GYS2: variants seen among roughly 807,000 people sequenced by gnomAD.
The protein encoded by GYS2 is glycogen synthase 2.
Under a neutral mutation model 85.6 loss-of-function variants are expected in GYS2, and 80 were observed. The observed-to-expected ratio is 0.93, with a 90% confidence interval of 0.78 to 1.13. The LOEUF (loss-of-function observed/expected upper bound fraction) is 1.13. Ranked by LOEUF, GYS2 falls within the 50% of genes most tolerant of loss-of-function variation. The pLI is 0.00. For synonymous variants in GYS2, 328 were observed against 300.7 expected (o/e 1.09, Z -0.94); for missense variants, 881 against 854.9 (o/e 1.03, Z -0.38).
chr12:21,563,284 AT>A lies in GYS2; in HGVS notation c.884del (p.Asn295IlefsTer49). The A allele has an allele frequency of 6.2e-7, 1 of 1,613,128 alleles. No individual in the cohort carries two copies. Among genetic ancestry groups the A allele is most frequent in the Non-Finnish European group, 8.5e-7 (1 of 1,179,140 alleles). On this transcript the variant is annotated frameshift_variant, in exon 6 of 16. Coordinates refer to ENST00000261195, the MANE Select transcript of GYS2 (RefSeq NM_021957.4). LOFTEE classifies it high-confidence loss of function. Reference sequence around the variant, plus strand: ...TTCTGGCCTTGTACATGGCATGTAGATTTTGAAACTCATGCACTGCTGAAAA... The same window carrying A: ...TTCTGGCCTTGTACATGGCATGTAGATTTGAAACTCATGCACTGCTGAAAA... ...KKFSAVHEFQ[N>X]LHAMYKARIQ...
intron 12 of GYS2, 25 bp from the exon 13 acceptor site, chr12:21,542,616 T>C (rs780063939): frequency 4.3e-5 from 66 of 1,522,992 alleles, no homozygotes; most frequent in Non-Finnish European, 5.2e-5. Context: ...AGACCAAAGC[T>C]TGGCTTCAGA....
At position 21,581,562 on chromosome 12, in the gene GYS2, G is replaced by A. The variant is rs148231615; in HGVS notation, c.122-1039C>T. On this transcript the variant is annotated intron_variant, in intron 1 of 15. Transcript: ENST00000261195. ...AATAAAGCCCTTCCTTCTTTAACTC[G>A]GTGTCTGAGGGGTTTTGTATGCAGC... 1.1e-4 allele frequency among the ~76,000 whole-genome samples: 17 copies of A among 152,230 alleles called. No individual in the cohort carries two copies. In the East Asian group the frequency reaches 1.2e-3, roughly 10 times the overall value.
At chr12:21,577,689 A>G (rs1187144993) in intron 2 of GYS2, among the ~76,000 whole-genome samples, 1 of 152,262 alleles carries the variant, frequency 6.6e-6, no homozygotes, top group South Asian at 2.1e-4. Context: ...TAAACCTTGC[A>G]TGCACCTCCT....
At chr12:21,588,890 A>T (rs1222109124) in intron 1 of GYS2, among the ~76,000 whole-genome samples, 1 of 152,262 alleles carries the variant, frequency 6.6e-6, no homozygotes, top group African/African-American at 2.4e-5. Flanking sequence ...TAAAATGAAG[A>T]ACTTTTCTTT....
At chr12:21,588,527 A>T (rs1482379519) in intron 1 of GYS2, among the ~76,000 whole-genome samples, 1 of 152,180 alleles carries the variant, frequency 6.6e-6, no homozygotes, top group Admixed American at 6.5e-5. Flanking sequence ...TTTTCATATG[A>T]GTCTACACAA....
chr12:21,542,272 A>T (rs1023430815), intron 13 of GYS2, among the ~76,000 whole-genome samples: 1 of 152,112 alleles, frequency 6.6e-6, no homozygotes, highest in African/African-American at 2.4e-5. Flanking sequence ...CTGGTCTCGA[A>T]CCCCTGACCT....
intron 1 of GYS2, among the ~76,000 whole-genome samples, chr12:21,593,655 C>A (rs1944664233): frequency 6.6e-6 from 1 of 151,862 alleles, no homozygotes; most frequent in Admixed American, 6.6e-5. Flanking sequence ...ATTTCAAGAC[C>A]AGATGGCTTT....
At chr12:21,563,877 C>A (rs971710993) in intron 5 of GYS2, among the ~76,000 whole-genome samples, 2 of 152,154 alleles carry the variant, frequency 1.3e-5, no homozygotes, top group African/African-American at 2.4e-5. Context: ...CTACCTCCTG[C>A]CATCTTGTTT....
chr12:21,564,554 T>C (rs1427845837), intron 5 of GYS2, among the ~76,000 whole-genome samples: 1 of 152,174 alleles, frequency 6.6e-6, no homozygotes, highest in Non-Finnish European at 1.5e-5. Flanking sequence ...TTTTTATGAG[T>C]TTTTATTAAG....
intron 1 of GYS2, among the ~76,000 whole-genome samples, chr12:21,601,509 C>T (rs74066737): frequency 0.014 from 2,075 of 152,262 alleles, 47 homozygotes; most frequent in African/African-American, 0.047. Context: ...ACTTCTGCAT[C>T]TTGGCATATA....
At chr12:21,534,284 G>A (rs569501581), downstream of GYS2, among the ~76,000 whole-genome samples, 1 of 152,260 alleles carries the variant, frequency 6.6e-6, no homozygotes, top group Admixed American at 6.5e-5. Context: ...GCCAAGGTGG[G>A]CACATCACTT....
At chr12:21,542,048 T>C (rs1943982498) in intron 13 of GYS2, among the ~76,000 whole-genome samples, 1 of 113,882 alleles carries the variant, frequency 8.8e-6, no homozygotes, top group African/African-American at 2.6e-5. Context: ...TATTTATAAA[T>C]CTACTTTTTT....
intron 11 of GYS2, among the ~76,000 whole-genome samples, chr12:21,554,500 T>C (rs1250090736): frequency 6.6e-6 from 1 of 152,180 alleles, no homozygotes; most frequent in Non-Finnish European, 1.5e-5. Context: ...ACAGAGACAA[T>C]ACATATGAGA....
downstream of GYS2, among the ~76,000 whole-genome samples, chr12:21,533,134 G>A (rs1943880803): frequency 6.6e-6 from 1 of 152,184 alleles, no homozygotes; most frequent in Admixed American, 6.5e-5. Flanking sequence ...GATCTGCAGG[G>A]AGCGCTTTCA....
chr12:21,557,177 C>T (rs1944190275), intron 11 of GYS2, among the ~76,000 whole-genome samples: 2 of 152,132 alleles, frequency 1.3e-5, no homozygotes. Context: ...AAAATGGGTT[C>T]ATTTGAAAAG....
At chr12:21,598,926 C>T (rs2136936049) in intron 1 of GYS2, among the ~76,000 whole-genome samples, 1 of 152,224 alleles carries the variant, frequency 6.6e-6, no homozygotes, top group Non-Finnish European at 1.5e-5. Flanking sequence ...AAAAGATGAG[C>T]TACCATGGTA....
At chr12:21,541,268 C>CAAAAAAAAAAAAAAAA (rs3832848) in intron 13 of GYS2, among the ~76,000 whole-genome samples, 1 of 46,330 alleles carries the variant, frequency 2.2e-5, no homozygotes, top group African/African-American at 7.7e-5. Flanking sequence ...ACCATGTTTC[C>CAAAAAAAAAAAAAAAA]AAAAAAAAAA....
chr12:21,542,993 C>T (rs543704479), intron 12 of GYS2, among the ~76,000 whole-genome samples: 1 of 152,230 alleles, frequency 6.6e-6, no homozygotes, highest in Non-Finnish European at 1.5e-5. Context: ...AAGTACTTGG[C>T]AAGTTTATGA....
intron 1 of GYS2, among the ~76,000 whole-genome samples, chr12:21,583,418 C>T (rs1413615829): frequency 6.6e-6 from 1 of 152,156 alleles, no homozygotes; most frequent in African/African-American, 2.4e-5. Context: ...GTGTGTTACT[C>T]TGGCCCATTT....
Sources: allele counts gnomAD v4.1 joint callset (sites outside exome capture counted in the v4.1 genomes callset), GRCh38; gene constraint gnomAD v4.1.1; transcripts MANE v1.5; gene names NCBI Gene and HGNC (gene_info 2026-07-23, HGNC 2026-07-21).